The following TDRD5 variants were observed in gnomAD, a reference collection of about 807,000 sequenced individuals.
The protein encoded by TDRD5 is tudor domain containing 5.
A neutral mutation model predicts 120.6 loss-of-function variants in TDRD5; 41 were observed. The ratio of observed to expected loss-of-function variants is 0.34; its 90% CI spans 0.26 to 0.44. The LOEUF is 0.44. TDRD5 is among the 20% of genes least tolerant of loss of function. The pLI, the probability that TDRD5 is intolerant of heterozygous loss-of-function variation, is 1.00. For missense variants in TDRD5, 1,006 were observed against 1,221.2 expected, an observed-to-expected ratio of 0.82 and a Z score of 2.63; for synonymous variants, 430 against 433.7, an observed-to-expected ratio of 0.99 and a Z score of 0.11.
intron 17 of TDRD5, among the ~76,000 whole-genome samples, chr1:179,680,813 A>C (rs546951558): frequency 1.1e-4 from 16 of 152,324 alleles, no homozygotes; most frequent in Non-Finnish European, 1.5e-5. Context: ...TGTTAAAGCA[A>C]CCACTAAAAA....
intron 9 of TDRD5, 107 bp downstream of exon 9, chr1:179,635,994 T>C: frequency 1.2e-6 from 1 of 863,608 alleles, no homozygotes; most frequent in African/African-American, 1.7e-5. Context: ...AAGAGAGCTT[T>C]TTTTTATCAG....
chr1:179,687,435 C>T (rs1357175025), intron 17 of TDRD5, among the ~76,000 whole-genome samples: 3 of 152,136 alleles, frequency 2.0e-5, no homozygotes, highest in African/African-American at 4.8e-5. Flanking sequence ...TATTCTTTTA[C>T]CTTTGCTGAG....
intron 14 of TDRD5, among the ~76,000 whole-genome samples, chr1:179,655,041 C>T (rs1046124535): frequency 1.3e-5 from 2 of 152,028 alleles, no homozygotes; most frequent in African/African-American, 4.8e-5. Context: ...ACTTAAGATC[C>T]CCCATGACTC....
At chr1:179,675,815 T>C (rs1680116349) in intron 17 of TDRD5, among the ~76,000 whole-genome samples, 1 of 152,210 alleles carries the variant, frequency 6.6e-6, no homozygotes, top group African/African-American at 2.4e-5. Flanking sequence ...CATGTGTTGA[T>C]GAATAGAATA....
chr1:179,593,452 C>T lies in TDRD5; in HGVS notation c.233-8C>T, dbSNP rs762259358. ...TCCTAAATATGATTTCTATTTTTCA[C>T]GTCTCAGCCATTCCAGATGAATCTA... On this transcript the variant is annotated splice_polypyrimidine_tract_variant and splice_region_variant and intron_variant, in intron 2 of 17. Transcript: ENST00000444136. 5 of 1,607,984 alleles carry T rather than the reference C, an allele frequency of 3.1e-6. No individual in the cohort carries two copies. Among genetic ancestry groups the T allele is most frequent in the East Asian group, 2.2e-5 (1 of 44,776 alleles).
intron 4 of TDRD5, among the ~76,000 whole-genome samples, chr1:179,601,375 G>A (rs1675702784): frequency 2.0e-5 from 3 of 152,092 alleles, no homozygotes; most frequent in Admixed American, 2.0e-4. Flanking sequence ...CACCCAAGCA[G>A]TATACACTGC....
chr1:179,646,405 C>A (rs1002145423), intron 11 of TDRD5, among the ~76,000 whole-genome samples: 1 of 152,062 alleles, frequency 6.6e-6, no homozygotes, highest in Admixed American at 6.6e-5. Context: ...AATTCAACAA[C>A]CTTCATGCTA....
chr1:179,592,357 C>G, intron 1 of TDRD5: 2 of 426,336 alleles, frequency 4.7e-6, no homozygotes, highest in South Asian at 4.8e-5. Context: ...GACAGGAACC[C>G]CAGTTAACGC....
rs1273506634 is a variant in TDRD5, at chr1:179,639,916, G to C, written c.1598G>C (p.Cys533Ser). The C allele has an allele frequency of 6.2e-7, 1 of 1,613,972 alleles. No individual in the cohort carries two copies. Among genetic ancestry groups the C allele is most frequent in the Non-Finnish European group, 8.5e-7 (1 of 1,180,016 alleles). Residue 533 changes from cysteine (C) to serine (S), a missense_variant, in exon 10 of 18, where the codon TGT (cysteine) becomes TCT (serine). By Grantham distance (112) the Cys-to-Ser change is moderately radical. Coordinates refer to ENST00000444136, the MANE Select transcript of TDRD5 (RefSeq NM_001199085.3). Reference protein sequence around the residue: ...ECFIQPGHLCCVRISEDKWWY... With the variant: ...ECFIQPGHLCSVRISEDKWWY... ...TTTATTCAGCCGGGACATCTCTGTT[G>C]TGTAAGGATTTCTGAGGATAAGTGG... is the stretch of plus-strand genomic sequence containing the variant.
At chr1:179,591,650 C>T (rs1378167942), upstream of TDRD5, 1 of 152,394 alleles carries the variant, frequency 6.6e-6, no homozygotes, top group Non-Finnish European at 1.5e-5. Context: ...GACGTAGGCG[C>T]CTGGGATCCT....
At chr1:179,620,747 T>C (rs987852141) in intron 5 of TDRD5, among the ~76,000 whole-genome samples, 15 of 152,160 alleles carry the variant, frequency 9.9e-5, no homozygotes, top group Non-Finnish European at 2.1e-4. Flanking sequence ...TGAAGCTAAA[T>C]GTGTTAGCTG....
At position 179,662,090 on chromosome 1, in the gene TDRD5, C is replaced by A. The variant is rs750407787; in HGVS notation, c.2323-14C>A. ...ATAAATGATAGTTTTTCTTTGTCTT[C>A]TGTTACATTTTAGGATGAGATCCCC... On this transcript the variant is annotated splice_polypyrimidine_tract_variant and intron_variant, in intron 14 of 17. Coordinates refer to ENST00000444136, the MANE Select transcript of TDRD5 (RefSeq NM_001199085.3). 2 of 1,523,152 alleles carry A rather than the reference C, an allele frequency of 1.3e-6. No individual in the cohort carries two copies. Among genetic ancestry groups the A allele is most frequent in the South Asian group, 2.7e-5 (2 of 75,312 alleles). The allele number at this position is 1,523,152 out of a possible 1,614,324, so 94.4% of individuals were successfully genotyped here.
At chr1:179,646,294 G>A (rs1173472346) in intron 11 of TDRD5, among the ~76,000 whole-genome samples, 2 of 152,086 alleles carry the variant, frequency 1.3e-5, no homozygotes, top group Non-Finnish European at 2.9e-5. Flanking sequence ...TGTTTTTGTT[G>A]TGTAATGTTA....
At chr1:179,689,130 T>C (rs146683472) in intron 17 of TDRD5, among the ~76,000 whole-genome samples, 2,650 of 152,336 alleles carry the variant, frequency 0.017, 56 homozygotes, top group African/African-American at 0.059. Flanking sequence ...AGAGGAGCTC[T>C]GATTTTTAGA....
chr1:179,634,334 C>A (rs1677638056), intron 7 of TDRD5, 123 bp from the exon 8 acceptor site: 2 of 956,580 alleles, frequency 2.1e-6, no homozygotes, highest in Non-Finnish European at 3.1e-6. Context: ...CATTGTCTTT[C>A]TAGCACCTGG....
chr1:179,659,298 A>AT (rs1296091655), intron 14 of TDRD5, among the ~76,000 whole-genome samples: 3 of 152,086 alleles, frequency 2.0e-5, no homozygotes, highest in Admixed American at 6.6e-5. Flanking sequence ...CTATCTACCG[A>AT]TTTTGTTGAT....
In TDRD5 at chr1:179,623,738, A is replaced by G. The variant is rs1023282444; in HGVS notation, c.972+2647A>G. Among the ~76,000 whole-genome samples, 5 of 149,740 alleles carry G rather than the reference A, an allele frequency of 3.3e-5. No individual in the cohort carries two copies. The South Asian group carries it at 6.4e-4, about 19-fold the overall frequency. On this transcript the variant is annotated intron_variant, in intron 6 of 17. Coordinates refer to ENST00000444136, the MANE Select transcript of TDRD5 (RefSeq NM_001199085.3). Reference sequence around the variant, plus strand: ...AGCCTTGAACTCCTGGGCTCAAGTAATCCTCCTGCCTCAGCCTCCTGAGTA... The same window carrying G: ...AGCCTTGAACTCCTGGGCTCAAGTAGTCCTCCTGCCTCAGCCTCCTGAGTA...
At chr1:179,679,626 T>A (rs867776335) in intron 17 of TDRD5, among the ~76,000 whole-genome samples, 4 of 152,254 alleles carry the variant, frequency 2.6e-5, no homozygotes, top group Admixed American at 6.5e-5. Flanking sequence ...CCATTTCATC[T>A]AAACTGTAAA....
At chr1:179,689,433 C>T (rs140874945) in intron 17 of TDRD5, among the ~76,000 whole-genome samples, 2,266 of 152,176 alleles carry the variant, frequency 0.015, 65 homozygotes, top group African/African-American at 0.051. Flanking sequence ...CAGAAGGGCA[C>T]CTGGCTGTAT....
Sources: allele counts gnomAD v4.1 joint callset (sites outside exome capture counted in the v4.1 genomes callset), GRCh38; gene constraint gnomAD v4.1.1; transcripts MANE v1.5; gene names NCBI Gene and HGNC (gene_info 2026-07-23, HGNC 2026-07-21).